Variants in CNTN5 observed in about 807,000 individuals in gnomAD.
CNTN5 encodes contactin-5.
Under a neutral mutation model 129.1 loss-of-function variants are expected in CNTN5, and 77 were observed. The observed-to-expected ratio is 0.60, with a 90% confidence interval of 0.50 to 0.72. The LOEUF is 0.72. CNTN5 is among the 30% of genes least tolerant of loss of function. The probability of loss-of-function intolerance (pLI) is 0.00; values close to 1 mark genes in which losing one functional copy is unlikely to be tolerated. For synonymous variants in CNTN5, 509 were observed against 465.6 expected (o/e 1.09, Z -1.20); for missense variants, 1,478 against 1,328.8 (o/e 1.11, Z -1.75).
At chr11:99,426,264 G>T (rs1943115301) in intron 2 of CNTN5, among the ~76,000 whole-genome samples, 1 of 152,052 alleles carries the variant, frequency 6.6e-6, no homozygotes, top group South Asian at 2.1e-4. Context: ...AATAACAGAG[G>T]TTTAAAACAC....
At chr11:99,373,924 T>A (rs1002119051) in intron 2 of CNTN5, among the ~76,000 whole-genome samples, 1 of 152,184 alleles carries the variant, frequency 6.6e-6, no homozygotes, top group Non-Finnish European at 1.5e-5. Context: ...TTTAACCATA[T>A]GCTTCCTCTG....
chr11:99,556,554 AATATAT>A (rs199758207), intron 3 of CNTN5, among the ~76,000 whole-genome samples: 193 of 72,332 alleles, frequency 2.7e-3, no homozygotes, highest in South Asian at 5.0e-3. Context: ...AAGGCTTGGA[AATATAT>A]ATATATATAT....
chr11:99,376,401 A>G (rs1263244608), intron 2 of CNTN5, among the ~76,000 whole-genome samples: 1 of 152,126 alleles, frequency 6.6e-6, no homozygotes, highest in Admixed American at 6.6e-5. Context: ...GGTTGAAGGG[A>G]CACTCCTGTC....
intron 13 of CNTN5, among the ~76,000 whole-genome samples, chr11:100,184,251 A>G (rs1948228137): frequency 6.6e-6 from 1 of 152,158 alleles, no homozygotes; most frequent in East Asian, 1.9e-4. Flanking sequence ...CAATACTTTT[A>G]AAGAACTAGA....
At chr11:99,033,121 A>G (rs1172305923) in intron 1 of CNTN5, among the ~76,000 whole-genome samples, 2 of 150,058 alleles carry the variant, frequency 1.3e-5, no homozygotes, top group South Asian at 2.1e-4. Flanking sequence ...TGTTCCATTG[A>G]TCTATATCTC....
At chr11:100,185,612 A>G (rs772939123) in intron 13 of CNTN5, among the ~76,000 whole-genome samples, 4 of 152,226 alleles carry the variant, frequency 2.6e-5, no homozygotes, top group Admixed American at 6.5e-5. Context: ...GTGTCCTCCC[A>G]AAATGCATAT....
chr11:99,530,882 CCT>C (rs756025841), intron 2 of CNTN5, among the ~76,000 whole-genome samples: 4 of 152,178 alleles, frequency 2.6e-5, no homozygotes, highest in Non-Finnish European at 5.9e-5. Flanking sequence ...TCAAATTAAA[CCT>C]CTTTTTCTTC....
At position 100,088,359 on chromosome 11, in the gene CNTN5, C is replaced by T. The variant is rs116176759; in HGVS notation, c.1580+14065C>T. Reference sequence around the variant, plus strand: ...AAATAAAAACAAACTAAACCCAAAGCTAGCAGAAGAAAAGATATAACTAAA... The same window carrying T: ...AAATAAAAACAAACTAAACCCAAAGTTAGCAGAAGAAAAGATATAACTAAA... On this transcript the variant is annotated intron_variant, in intron 13 of 24. Transcript: ENST00000524871. 8.5e-3 allele frequency among the ~76,000 whole-genome samples: 1,297 copies of T among 152,052 alleles called. 13 individuals are homozygous for T. Among genetic ancestry groups the T allele is most frequent in the African/African-American group, 0.03 (1,250 of 41,520 alleles).
intron 9 of CNTN5, among the ~76,000 whole-genome samples, chr11:100,050,603 T>G (rs1392506100): frequency 2.0e-5 from 3 of 151,688 alleles, no homozygotes; most frequent in African/African-American, 7.3e-5. Flanking sequence ...TGTGCACTTG[T>G]ACCCTAAAAC....
intron 3 of CNTN5, among the ~76,000 whole-genome samples, chr11:99,789,192 A>T (rs994325561): frequency 6.6e-6 from 1 of 151,862 alleles, no homozygotes; most frequent in African/African-American, 2.4e-5. Flanking sequence ...AACAATACAA[A>T]TTATGATTAT....
intron 6 of CNTN5, among the ~76,000 whole-genome samples, chr11:99,863,763 T>G (rs1229539783): frequency 6.6e-6 from 1 of 152,336 alleles, no homozygotes; most frequent in East Asian, 1.9e-4. Context: ...CTAGCAATAT[T>G]AAGAAGCGTT....
At chr11:99,618,468 T>C (rs1208787010) in intron 3 of CNTN5, among the ~76,000 whole-genome samples, 1 of 152,204 alleles carries the variant, frequency 6.6e-6, no homozygotes, top group East Asian at 1.9e-4. Flanking sequence ...CTTCATCTTC[T>C]GTGTAATCTA....
chr11:99,356,010 T>C (rs1366486971), intron 2 of CNTN5, among the ~76,000 whole-genome samples: 2 of 151,912 alleles, frequency 1.3e-5, no homozygotes, highest in Non-Finnish European at 2.9e-5. Flanking sequence ...GTATTTTTAG[T>C]AGAGACGGGG....
chr11:99,371,981 T>A (rs1939854403), intron 2 of CNTN5, among the ~76,000 whole-genome samples: 1 of 152,200 alleles, frequency 6.6e-6, no homozygotes, highest in South Asian at 2.1e-4. Context: ...TAAGTGAGGA[T>A]GAGACCCTAC....
chr11:99,254,461 A>G (rs1719333287), intron 1 of CNTN5, among the ~76,000 whole-genome samples: 2 of 151,990 alleles, frequency 1.3e-5, no homozygotes, highest in African/African-American at 4.8e-5. Flanking sequence ...AAATTAAATC[A>G]TGAGGAAATA....
At chr11:99,082,537 C>T (rs888690174) in intron 1 of CNTN5, among the ~76,000 whole-genome samples, 11 of 152,054 alleles carry the variant, frequency 7.2e-5, no homozygotes, top group Non-Finnish European at 1.3e-4. Flanking sequence ...TGGATTGAGA[C>T]GCTTTTCATT....
At chr11:99,516,307 G>C (rs992286832) in intron 2 of CNTN5, among the ~76,000 whole-genome samples, 11 of 151,970 alleles carry the variant, frequency 7.2e-5, no homozygotes, top group African/African-American at 2.2e-4. Context: ...CTCAAACTAA[G>C]AGTCTATTTT....
chr11:100,274,042 G>C lies in CNTN5; in HGVS notation c.2314+2801G>C, dbSNP rs533167555. On this transcript the variant is annotated intron_variant, in intron 18 of 24. Transcript: ENST00000524871. ...AACAGACATACAGATGAGCGGAACA[G>C]AATAGAGAGTGCAGAAATATGAACT... Among the ~76,000 whole-genome samples the C allele has an allele frequency of 1.5e-4, 23 of 152,258 alleles. No homozygotes were observed. The South Asian group carries it at 4.8e-3, about 32-fold the overall frequency.
intron 1 of CNTN5, among the ~76,000 whole-genome samples, chr11:99,080,968 A>G (rs1015785787): frequency 6.9e-6 from 1 of 145,162 alleles, no homozygotes; most frequent in Non-Finnish European, 1.5e-5. Flanking sequence ...TTGCCCACCT[A>G]CTGAGAAATC....
Sources: allele counts gnomAD v4.1 joint callset (sites outside exome capture counted in the v4.1 genomes callset), GRCh38; gene constraint gnomAD v4.1.1; transcripts MANE v1.5; gene names NCBI Gene and HGNC (gene_info 2026-07-23, HGNC 2026-07-21).